ZIC3: variants seen among roughly 807,000 people sequenced by gnomAD.
ZIC3 encodes Zic family zinc finger 3, also known as zinc finger protein ZIC 3.
A neutral mutation model predicts 18.3 loss-of-function variants in ZIC3; 6 were observed. That is an observed-to-expected ratio of 0.33 (90% confidence interval 0.18 to 0.65). The LOEUF (loss-of-function observed/expected upper bound fraction) is 0.65, where lower values mean the gene tolerates loss of function less well. ZIC3 is among the 30% of genes least tolerant of loss of function. The probability of loss-of-function intolerance (pLI) is 0.75; values close to 1 mark genes in which losing one functional copy is unlikely to be tolerated. For synonymous variants in ZIC3, 175 were observed against 177.0 expected (o/e 0.99, Z 0.09); for missense variants, 260 against 410.0 (o/e 0.63, Z 3.16).
chrX:137,566,472 A>ACCCCC lies in ZIC3; in HGVS notation c.-219_-218insCCCCC. The ACCCCC allele has an allele frequency of 6.6e-6, 1 of 151,011 alleles. No individual in the cohort carries two copies. The highest frequency in any genetic ancestry group is 1.1e-5 in the Non-Finnish European group (1 of 87,954). The allele number at this position is 151,011 out of a possible 1,213,427, so 12.4% of individuals were successfully genotyped here. Reference sequence around the variant, plus strand: ...CTCCTCCCTCCTCCTCCCCCCGCCAACACCCCCTCCCTGCTCTTTCTTCCC... The same window carrying ACCCCC: ...CTCCTCCCTCCTCCTCCCCCCGCCAACCCCCCACCCCCTCCCTGCTCTTTCTTCCC... On this transcript the variant is annotated 5_prime_UTR_variant, in exon 1 of 3. Coordinates refer to ENST00000287538, the MANE Select transcript of ZIC3 (RefSeq NM_003413.4).
chrX:137,573,975 T>G (rs577546344), downstream of ZIC3: 132 of 113,024 alleles, frequency 1.2e-3, no homozygotes, highest in African/African-American at 4.1e-3. Context: ...ACAGGGCCCT[T>G]GGCGGCCGTA....
downstream of ZIC3, among the ~76,000 whole-genome samples, chrX:137,573,033 A>T (rs1931459382): frequency 9.4e-6 from 1 of 106,895 alleles, no homozygotes; most frequent in African/African-American, 3.4e-5. Context: ...CCTTATTTTG[A>T]TAGAAAGCTT....
chrX:137,568,909 A>G lies in ZIC3; in HGVS notation c.1068A>G (p.Lys356=). Residue 356 remains lysine, a synonymous_variant, in exon 2 of 3, where the codon AAA becomes AAG. Transcript: ENST00000287538. Reference sequence around the variant, plus strand: ...GGTTTTTGCCTTTTGCAGGTGAGAAACCTTTCAAATGTGAATTTGAAGGCT... The same window carrying G: ...GGTTTTTGCCTTTTGCAGGTGAGAAGCCTTTCAAATGTGAATTTGAAGGCT... ...KIHKRTHTGE[K]PFKCEFEGCD... is the part of the protein sequence containing the mutation. The G allele has an allele frequency of 5.8e-6, 7 of 1,209,884 alleles. 1 individual carries two copies. The South Asian group carries it at 8.8e-5, about 15-fold the overall frequency.
Position 137,567,387 on chromosome X carries a change from C to T in ZIC3, c.696C>T (p.Ala232=). 4.1e-6 allele frequency: 5 copies of T among 1,211,508 alleles called. No individual in the cohort carries two copies. The highest frequency in any genetic ancestry group is 3.5e-5 in the South Asian group (2 of 57,018). Residue 232 remains alanine (A), a synonymous_variant, in exon 1 of 3, where the codon GCC becomes GCT. Transcript: ENST00000287538. ...MNMNMGVNVA[A]HHGPGAFFRY... The stretch of plus-strand genomic sequence containing the variant: ...TGAACATGGGAGTGAACGTGGCGGC[C>T]CACCACGGGCCCGGCGCCTTCTTCC...
In ZIC3 at chrX:137,567,198, C is replaced by A. The variant is rs1240518346; in HGVS notation, c.507C>A (p.Gly169=). 8.3e-7 allele frequency: 1 copy of A among 1,209,456 alleles called. No homozygotes were observed. Among genetic ancestry groups the A allele is most frequent in the Admixed American group, 2.2e-5 (1 of 46,061 alleles). ...TGTTTCCCGGGCTGCATGAGCAGGG[C>A]GCTGGGCACCCGTCGCCCACAGGGC... ...YLLFPGLHEQ[G]AGHPSPTGHV... The change falls in exon 1 of 3, where the codon GGC becomes GGA. Residue 169 remains glycine, a synonymous_variant. Transcript: ENST00000287538.
In ZIC3 at chrX:137,566,718, G is replaced by A. The variant is rs955209590; in HGVS notation, c.27G>A (p.Pro9=). The A allele has an allele frequency of 1.7e-6, 2 of 1,196,850 alleles. No homozygotes were observed. The highest frequency in any genetic ancestry group is 3.5e-5 in the African/African-American group (2 of 57,365). MTMLLDGG[P]QFPGLGVGSF... ...TGACGATGCTCCTGGACGGAGGCCC[G>A]CAGTTCCCTGGGCTGGGAGTGGGCA... The change falls in exon 1 of 3, where the codon CCG becomes CCA. Residue 9 remains proline, a synonymous_variant. Coordinates refer to ENST00000287538, the MANE Select transcript of ZIC3 (RefSeq NM_003413.4).
Position 137,566,650 on chromosome X carries a change from T to C in ZIC3, c.-42T>C. 2.5e-6 allele frequency: 3 copies of C among 1,188,756 alleles called. No homozygotes were observed. The highest frequency in any genetic ancestry group is 3.4e-6 in the Non-Finnish European group (3 of 886,616). ...GATCTCCTCCTTCGCCGGTACCCTCTCTCACTTCGGCCGGATCGCCTGTGC... is the reference window on the plus strand; with the variant it reads ...GATCTCCTCCTTCGCCGGTACCCTCCCTCACTTCGGCCGGATCGCCTGTGC... On this transcript the variant is annotated 5_prime_UTR_variant, in exon 1 of 3. Coordinates refer to ENST00000287538, the MANE Select transcript of ZIC3 (RefSeq NM_003413.4).
chrX:137,566,862 G>A lies in ZIC3; in HGVS notation c.171G>A (p.Lys57=). 1.7e-6 allele frequency: 2 copies of A among 1,163,480 alleles called. No individual in the cohort carries two copies. Among genetic ancestry groups the A allele is most frequent in the Non-Finnish European group, 2.3e-6 (2 of 872,724 alleles). ...AAAAAAAAAF[K]LSPAAAHDLS... ...CCGCCGCCGCCGCCGCTGCCTTCAAGCTGAGCCCTGCCGCGGCGCACGATC... is the reference window on the plus strand; with the variant it reads ...CCGCCGCCGCCGCCGCTGCCTTCAAACTGAGCCCTGCCGCGGCGCACGATC... Residue 57 remains lysine (K), a synonymous_variant, in exon 1 of 3, where the codon AAG becomes AAA. Transcript: ENST00000287538.
At chrX:137,574,841 C>T (rs1388404775), downstream of ZIC3, among the ~76,000 whole-genome samples, 4 of 112,838 alleles carry the variant, frequency 3.5e-5, no homozygotes, top group Admixed American at 1.9e-4. Context: ...AGTTTAAACT[C>T]CCTTGTTATT....
downstream of ZIC3, among the ~76,000 whole-genome samples, chrX:137,573,399 G>A (rs751097406): frequency 5.4e-4 from 60 of 111,559 alleles, 1 homozygote; most frequent in African/African-American, 1.7e-3. Flanking sequence ...CAGGGTCCAC[G>A]CTAAGCAGGC....
rs886038531 is a variant in ZIC3, at chrX:137,567,474, G to A, written c.783G>A (p.Leu261=). ...LSCKWIDEAQ[L]SRPKKSCDRT... is the part of the protein sequence containing the mutation. Reference sequence around the variant, plus strand: ...GCAAGTGGATCGACGAGGCTCAGCTGAGCCGGCCCAAGAAGAGCTGCGACC... The same window carrying A: ...GCAAGTGGATCGACGAGGCTCAGCTAAGCCGGCCCAAGAAGAGCTGCGACC... The change falls in exon 1 of 3, where the codon CTG becomes CTA. Residue 261 remains leucine (L), a synonymous_variant. Coordinates refer to ENST00000287538, the MANE Select transcript of ZIC3 (RefSeq NM_003413.4). 14 of 1,210,455 alleles carry A rather than the reference G, an allele frequency of 1.2e-5. No individual in the cohort carries two copies. Among genetic ancestry groups the A allele is most frequent in the Non-Finnish European group, 1.6e-5 (14 of 895,392 alleles).
Position 137,567,378 on chromosome X carries a change from C to T in ZIC3, c.687C>T (p.Asn229=). 1 of 1,211,399 alleles carries T rather than the reference C, an allele frequency of 8.3e-7. No individual in the cohort carries two copies. The highest frequency in any genetic ancestry group is 1.7e-5 in the African/African-American group (1 of 57,846). ...CCATGAACATGAACATGGGAGTGAA[C>T]GTGGCGGCCCACCACGGGCCCGGCG... The part of the protein sequence containing the change: ...YSPMNMNMGV[N]VAAHHGPGAF... Residue 229 remains asparagine, a synonymous_variant, in exon 1 of 3, where the codon AAC becomes AAT. Transcript: ENST00000287538.
downstream of ZIC3, among the ~76,000 whole-genome samples, chrX:137,573,148 A>C (rs1445357005): frequency 3.6e-5 from 2 of 55,869 alleles, no homozygotes; most frequent in Non-Finnish European, 7.0e-5. Flanking sequence ...AAAAAAAAAA[A>C]AAAAAAAAAA....
At position 137,567,591 on chromosome X, in the gene ZIC3, G is replaced by C; in HGVS notation, c.900G>C (p.Glu300Asp). The change falls in exon 1 of 3, where the codon GAG becomes GAC. Residue 300 changes from glutamate to aspartate, a missense_variant. Around this residue, in one of 4 missense-constraint regions of ZIC3, gnomAD observed 25 missense variants for 58.6 expected, o/e 0.43. Coordinates refer to ENST00000287538, the MANE Select transcript of ZIC3 (RefSeq NM_003413.4). ...PEQNNHVCYW[E>D]ECPREGKSFK... ...AGAACAACCACGTCTGCTACTGGGA[G>C]GAGTGCCCCCGGGAGGGCAAGTCTT... 8.2e-7 allele frequency: 1 copy of C among 1,212,547 alleles called. No homozygotes were observed. The highest frequency in any genetic ancestry group is 1.1e-6 in the Non-Finnish European group (1 of 895,688).
rs1486107291 is a variant in ZIC3, at chrX:137,567,613, T to G, written c.922T>G (p.Ser308Ala). The change falls in exon 1 of 3, where the codon TCT becomes GCT. Residue 308 changes from serine to alanine, a missense_variant. Physicochemically the swap from Ser to Ala is moderately conservative, Grantham distance 99. Coordinates refer to ENST00000287538, the MANE Select transcript of ZIC3 (RefSeq NM_003413.4). ...GGAGGAGTGCCCCCGGGAGGGCAAG[T>G]CTTTCAAGGCGAAGTACAAACTGGT... ...YWEECPREGKSFKAKYKLVNH... is the reference protein window; with the variant it reads ...YWEECPREGKAFKAKYKLVNH... The G allele has an allele frequency of 1.7e-6, 2 of 1,211,170 alleles. No homozygotes were observed. The highest frequency in any genetic ancestry group is 2.2e-6 in the Non-Finnish European group (2 of 895,438).
intron 1 of ZIC3, among the ~76,000 whole-genome samples, chrX:137,568,191 A>G (rs890802397): frequency 2.8e-4 from 31 of 112,564 alleles, no homozygotes; most frequent in African/African-American, 1.0e-3. Flanking sequence ...TGATTGGCAC[A>G]TCTCCTAATT....
At chrX:137,576,452 A>G (rs533702496), downstream of ZIC3, among the ~76,000 whole-genome samples, 2 of 111,679 alleles carry the variant, frequency 1.8e-5, no homozygotes, top group South Asian at 7.6e-4. Context: ...AAACTGGTTG[A>G]TTTTTATAGA....
intron 2 of ZIC3, 78 bp from the exon 3 acceptor site, chrX:137,569,813 T>C: frequency 9.6e-7 from 1 of 1,037,934 alleles, no homozygotes; most frequent in South Asian, 2.1e-5. Context: ...GTTACAGTGC[T>C]CGAATTCTGC....
chrX:137,568,686 GCCCCA>G, intron 1 of ZIC3: 2 of 90,109 alleles, frequency 2.2e-5, no homozygotes, highest in South Asian at 3.5e-4. Context: ...GGCCGGCCCC[GCCCCA>G]CCCCCACCCC....
Sources: gnomAD v4.1 joint callset for allele counts (sites outside exome capture counted in the v4.1 genomes callset) on GRCh38, gnomAD v4.1.1 for gene constraint, gnomAD v4.1.1 regional missense constraint, MANE v1.5 for transcripts, NCBI Gene and HGNC (gene_info 2026-07-23, HGNC 2026-07-21) for gene names.